Variants in ZNF333 observed in about 807,000 individuals in gnomAD.
The protein encoded by ZNF333 is zinc finger protein 333.
In ZNF333, 61 loss-of-function variants were observed where a neutral mutation model predicts 76.1. That is an observed-to-expected ratio of 0.80 (90% confidence interval 0.65 to 0.99). ZNF333 has a LOEUF of 0.99. Ranked by LOEUF, ZNF333 falls within the 50% of genes least tolerant of loss-of-function variation. The pLI, the probability that ZNF333 is intolerant of heterozygous loss-of-function variation, is 0.00. For synonymous variants in ZNF333, 284 were observed against 305.0 expected (o/e 0.93, Z 0.72); for missense variants, 717 against 822.4 (o/e 0.87, Z 1.57).
At chr19:14,691,293 T>G (rs1972758973) in intron 1 of ZNF333, among the ~76,000 whole-genome samples, 1 of 152,232 alleles carries the variant, frequency 6.6e-6, no homozygotes, top group Non-Finnish European at 1.5e-5. Flanking sequence ...TCTTTTCAAG[T>G]TGGCTCCAGT....
At chr19:14,731,256 A>T in exon 12 of ZNF333, 1 of 1,425,268 alleles carries the variant, frequency 7.0e-7, no homozygotes, top group African/African-American at 1.4e-5. Context: ...TCTGGATATC[A>T]AAGGATCACT....
rs745612680 is a variant in ZNF333, at chr19:14,695,134, G to A, written c.127+1G>A. On this transcript the variant is annotated splice_donor_variant, in intron 3 of 11. Transcript: ENST00000292530. LOFTEE classifies it high-confidence loss of function. ...CAGTGCAGGACCCTGGCCTCCAGGG[G>A]TAAGGCTGGCGTCACCTGGCTCCTT... The A allele has an allele frequency of 1.2e-6, 2 of 1,612,942 alleles. No individual in the cohort carries two copies. Among genetic ancestry groups the A allele is most frequent in the South Asian group, 2.2e-5 (2 of 91,024 alleles).
chr19:14,718,805 T>G lies in ZNF333; in HGVS notation c.1478T>G (p.Leu493Arg). Residue 493 changes from leucine (L) to arginine (R), a missense_variant, in exon 12 of 12, where the codon CTG becomes CGG. Transcript: ENST00000292530. ...CGKAFREHSS[L>R]KTHLRTHTRE... Reference sequence around the variant, plus strand: ...AAAGCCTTCAGGGAACACTCTTCACTGAAGACACATCTGCGAACCCATACC... The same window carrying G: ...AAAGCCTTCAGGGAACACTCTTCACGGAAGACACATCTGCGAACCCATACC... 1 of 1,614,116 alleles carries G rather than the reference T, an allele frequency of 6.2e-7. No homozygotes were observed. The highest frequency in any genetic ancestry group is 8.5e-7 in the Non-Finnish European group (1 of 1,180,010).
chr19:14,699,235 C>T lies in ZNF333; in HGVS notation c.260C>T (p.Ser87Phe), dbSNP rs1973506950. 1 of 1,613,842 alleles carries T rather than the reference C, an allele frequency of 6.2e-7. No individual in the cohort carries two copies. The highest frequency in any genetic ancestry group is 8.5e-7 in the Non-Finnish European group (1 of 1,179,938). The part of the protein sequence containing the change: ...ESQLKPEELP[S>F]MQDLLEEASS... ...CAACTTAAACCCGAAGAGTTGCCTT[C>T]TATGCAGGATCTTTTGGAAGAAGCA... Residue 87 changes from serine to phenylalanine, a missense_variant, in exon 5 of 12, where the codon TCT becomes TTT. Coordinates refer to ENST00000292530, the MANE Select transcript of ZNF333 (RefSeq NM_032433.4).
At chr19:14,699,543 C>T (rs1264885498) in intron 5 of ZNF333, 4 of 337,170 alleles carry the variant, frequency 1.2e-5, no homozygotes, top group Non-Finnish European at 2.2e-5. Flanking sequence ...TCATTTCAGC[C>T]TCCACCTCCC....
chr19:14,721,349 A>G lies in ZNF333; in HGVS notation c.*2024A>G, dbSNP rs2042583017. 6.9e-6 allele frequency: 1 copy of G among 144,210 alleles called. No homozygotes were observed. Among genetic ancestry groups the G allele is most frequent in the Non-Finnish European group, 1.5e-5 (1 of 67,098 alleles). 8.9% of individuals were successfully genotyped at this position (144,210 alleles called of 1,614,324 possible). ...GGTATAACTTACATAAACGTTAATAAATCTTAGGGTACACCTTGGTGAATT... is the reference window on the plus strand; with the variant it reads ...GGTATAACTTACATAAACGTTAATAGATCTTAGGGTACACCTTGGTGAATT... On this transcript the variant is annotated 3_prime_UTR_variant, in exon 12 of 12. Transcript: ENST00000292530.
At chr19:14,706,984 C>G in intron 7 of ZNF333, 1 of 513,904 alleles carries the variant, frequency 1.9e-6, no homozygotes, top group Non-Finnish European at 3.4e-6. Context: ...AGAGGGCTCA[C>G]TCAACCACAG....
intron 7 of ZNF333, chr19:14,715,038 C>CGTGTGT (rs5827254): frequency 1.2e-5 from 2 of 170,248 alleles, no homozygotes; most frequent in South Asian, 1.2e-4. Flanking sequence ...TGAAGGCGTG[C>CGTGTGT]GTGTGTGTGT....
At chr19:14,731,119 T>G in intron 11 of ZNF333, 2 of 1,492,830 alleles carry the variant, frequency 1.3e-6, no homozygotes, top group Non-Finnish European at 1.8e-6. Context: ...GCCCCTTTAT[T>G]CATTCAATTT....
At chr19:14,702,798 C>T (rs1487111593) in intron 5 of ZNF333, among the ~76,000 whole-genome samples, 1 of 152,184 alleles carries the variant, frequency 6.6e-6, no homozygotes, top group Admixed American at 6.5e-5. Context: ...TTCAGCATGG[C>T]TGGGGAGGCC....
intron 7 of ZNF333, among the ~76,000 whole-genome samples, chr19:14,709,871 C>T (rs949475763): frequency 3.3e-5 from 5 of 152,208 alleles, no homozygotes; most frequent in Admixed American, 2.0e-4. Flanking sequence ...AATGACAGCT[C>T]GACAGCTCAA....
intron 7 of ZNF333, among the ~76,000 whole-genome samples, chr19:14,711,660 A>T (rs2042278999): frequency 6.6e-6 from 1 of 152,168 alleles, no homozygotes; most frequent in Non-Finnish European, 1.5e-5. Flanking sequence ...CAAAAAAATT[A>T]TAGTAATAAT....
intron 4 of ZNF333, among the ~76,000 whole-genome samples, chr19:14,696,731 CTTTTT>C (rs55742444): frequency 0.043 from 3,529 of 82,802 alleles, 182 homozygotes; most frequent in African/African-American, 0.17. Flanking sequence ...ACCTAATCAC[CTTTTT>C]TTTTTTTTTT....
At chr19:14,714,287 G>T (rs1172893681) in intron 7 of ZNF333, among the ~76,000 whole-genome samples, 1 of 152,154 alleles carries the variant, frequency 6.6e-6, no homozygotes, top group Non-Finnish European at 1.5e-5. Context: ...GAGGTCACAA[G>T]GTTGGGCCCC....
At chr19:14,711,643 C>G (rs1344447578) in intron 7 of ZNF333, among the ~76,000 whole-genome samples, 1 of 151,962 alleles carries the variant, frequency 6.6e-6, no homozygotes, top group Non-Finnish European at 1.5e-5. Flanking sequence ...AGAGCAAGAC[C>G]CTGTCTCAAA....
intron 5 of ZNF333, chr19:14,701,602 AAGG>A (rs2041960807): frequency 3.0e-6 from 3 of 985,418 alleles, no homozygotes; most frequent in Non-Finnish European, 3.6e-6. Context: ...CATGTGAAGA[AAGG>A]AGAGAGGGAG....
At chr19:14,706,927 G>C (rs2042128043) in intron 7 of ZNF333, 154 bp downstream of exon 7, 1 of 583,132 alleles carries the variant, frequency 1.7e-6, no homozygotes, top group Non-Finnish European at 2.9e-6. Flanking sequence ...CTCATTATTT[G>C]TGTGTTTAAG....
At chr19:14,695,445 T>G (rs1233999427) in intron 3 of ZNF333, 121 bp from the exon 4 acceptor site, 5 of 1,002,424 alleles carry the variant, frequency 5.0e-6, no homozygotes, top group African/African-American at 1.6e-5. Context: ...TCACACTTGC[T>G]CAGCCCAGAG....
At chr19:14,701,942 C>A (rs937088245) in intron 5 of ZNF333, 3 of 975,188 alleles carry the variant, frequency 3.1e-6, no homozygotes, top group Non-Finnish European at 3.7e-6. Context: ...ACCGCAGAGA[C>A]CACAGTCTCA....
Sources: gnomAD v4.1 joint callset for allele counts (sites outside exome capture counted in the v4.1 genomes callset) on GRCh38, gnomAD v4.1.1 for gene constraint, MANE v1.5 for transcripts, NCBI Gene and HGNC (gene_info 2026-07-23, HGNC 2026-07-21) for gene names.